The following STK32A variants were observed in gnomAD, a reference collection of about 807,000 sequenced individuals.
STK32A encodes serine/threonine kinase 32A, also known as serine/threonine-protein kinase 32A.
In STK32A, 41 loss-of-function variants were observed where a neutral mutation model predicts 53.2. That is an observed-to-expected ratio of 0.77 (90% CI 0.60 to 1.00). STK32A has a LOEUF of 1.00. Among genes scored for constraint, STK32A ranks in the 50% least tolerant of loss-of-function variants. The pLI, the probability that STK32A is intolerant of heterozygous loss-of-function variation, is 0.00. For missense variants in STK32A, 458 were observed against 485.8 expected (o/e 0.94, Z 0.54); for synonymous variants, 166 against 162.8 (o/e 1.02, Z -0.15).
At chr5:147,350,203 T>A (rs1415666823) in intron 6 of STK32A, among the ~76,000 whole-genome samples, 1 of 127,382 alleles carries the variant, frequency 7.9e-6, no homozygotes, top group Non-Finnish European at 1.6e-5. Context: ...AACAGTTATT[T>A]TGCTGGGAAC....
intron 1 of STK32A, among the ~76,000 whole-genome samples, chr5:147,236,729 C>T (rs1166442760): frequency 6.6e-6 from 1 of 152,134 alleles, no homozygotes; most frequent in African/African-American, 2.4e-5. Flanking sequence ...TCACTTGGTC[C>T]GTGGTGAACA....
intron 4 of STK32A, among the ~76,000 whole-genome samples, chr5:147,316,402 A>G (rs1313127013): frequency 4.6e-5 from 7 of 152,210 alleles, no homozygotes; most frequent in Admixed American, 4.6e-4. Context: ...AGCCAGCAAT[A>G]TGTTTTCATA....
At chr5:147,368,227 T>C (rs1756854017) in intron 8 of STK32A, among the ~76,000 whole-genome samples, 1 of 152,270 alleles carries the variant, frequency 6.6e-6, no homozygotes, top group South Asian at 2.1e-4. Flanking sequence ...CATAGTTTTG[T>C]ACTCATTGTA....
At chr5:147,297,174 C>T (rs1302316941) in intron 4 of STK32A, among the ~76,000 whole-genome samples, 3 of 152,112 alleles carry the variant, frequency 2.0e-5, no homozygotes, top group African/African-American at 7.2e-5. Context: ...GAACCAAAGA[C>T]AGCTCAAAGA....
intron 8 of STK32A, among the ~76,000 whole-genome samples, chr5:147,362,684 T>C (rs1756562851): frequency 6.6e-6 from 1 of 152,184 alleles, no homozygotes; most frequent in East Asian, 1.9e-4. Context: ...AACTCTAAAG[T>C]CTGAAGTCCA....
At chr5:147,259,156 G>C (rs1754376870) in intron 2 of STK32A, among the ~76,000 whole-genome samples, 1 of 152,110 alleles carries the variant, frequency 6.6e-6, no homozygotes, top group Non-Finnish European at 1.5e-5. Flanking sequence ...ATTTTCAGTG[G>C]TTAATGTTAA....
intron 8 of STK32A, 51 bp downstream of exon 8, chr5:147,361,665 T>C (rs1756511604): frequency 7.6e-7 from 1 of 1,317,684 alleles, no homozygotes; most frequent in Non-Finnish European, 1.1e-6. Context: ...AGTTCTATTT[T>C]AGAATGAAAG....
rs145516773 is a variant in STK32A at position 147,276,133 on chromosome 5, C to A, written c.53-1991C>A. Among the ~76,000 whole-genome samples the A allele has an allele frequency of 5.9e-5, 9 of 152,218 alleles. No individual in the cohort carries two copies. The East Asian group carries it at 1.5e-3, about 26-fold the overall frequency. On this transcript the variant is annotated intron_variant, in intron 2 of 12. Transcript: ENST00000397936. ...TGGTAAATAATACACAACTCAGATT[C>A]ATGTAATGGGTGTAAGAAAATCATT...
downstream of STK32A, among the ~76,000 whole-genome samples, chr5:147,390,330 G>A (rs915559822): frequency 5.3e-5 from 8 of 152,070 alleles, no homozygotes; most frequent in African/African-American, 9.7e-5. Flanking sequence ...TAATGCTTCC[G>A]TACACTGATT....
chr5:147,318,315 T>C (rs1471026316), intron 4 of STK32A, among the ~76,000 whole-genome samples: 1 of 152,204 alleles, frequency 6.6e-6, no homozygotes, highest in Non-Finnish European at 1.5e-5. Context: ...TTAAAAATGC[T>C]GTATAATCTG....
intron 7 of STK32A, among the ~76,000 whole-genome samples, chr5:147,353,197 C>T (rs948155556): frequency 6.6e-6 from 1 of 152,128 alleles, no homozygotes; most frequent in Non-Finnish European, 1.5e-5. Context: ...GATAGAAGGA[C>T]GTGTGTGAGA....
chr5:147,326,313 A>G (rs1404125815), intron 5 of STK32A, among the ~76,000 whole-genome samples: 1 of 152,134 alleles, frequency 6.6e-6, no homozygotes, highest in African/African-American at 2.4e-5. Flanking sequence ...GCCTTTTTGT[A>G]CTGAAATGTC....
At chr5:147,367,884 G>A (rs547120499) in intron 8 of STK32A, among the ~76,000 whole-genome samples, 1 of 152,278 alleles carries the variant, frequency 6.6e-6, no homozygotes, top group South Asian at 2.1e-4. Flanking sequence ...CTGCAATTAC[G>A]TTTCAAAATG....
At chr5:147,306,527 T>C (rs1753417429) in intron 4 of STK32A, among the ~76,000 whole-genome samples, 1 of 151,110 alleles carries the variant, frequency 6.6e-6, no homozygotes, top group Admixed American at 6.6e-5. Context: ...ATATTTATTA[T>C]AATTTGTAAC....
At chr5:147,295,971 G>A (rs189331955) in intron 4 of STK32A, among the ~76,000 whole-genome samples, 20 of 152,350 alleles carry the variant, frequency 1.3e-4, no homozygotes, top group African/African-American at 1.9e-4. Context: ...GGTAGGACTT[G>A]TATAGATTTA....
chr5:147,247,281 C>T lies in STK32A; in HGVS notation c.52+7595C>T, dbSNP rs79446205. 4.7e-3 allele frequency among the ~76,000 whole-genome samples: 721 copies of T among 152,276 alleles called. 4 individuals carry two copies. Among genetic ancestry groups the T allele is most frequent in the Non-Finnish European group, 6.9e-3 (469 of 68,022 alleles). The stretch of plus-strand genomic sequence containing the variant: ...AAACTCAGGTCCCATGAAATATACA[C>T]GGATTTCTACTATGCATTACTATGT... On this transcript the variant is annotated intron_variant, in intron 2 of 12. Transcript: ENST00000397936.
At chr5:147,301,227 A>C (rs900001740) in intron 4 of STK32A, among the ~76,000 whole-genome samples, 1 of 152,286 alleles carries the variant, frequency 6.6e-6, no homozygotes. Context: ...AATAGATGAT[A>C]GTCTGTGGTT....
chr5:147,253,405 T>A (rs933516467), intron 2 of STK32A, among the ~76,000 whole-genome samples: 2 of 152,240 alleles, frequency 1.3e-5, no homozygotes, highest in African/African-American at 4.8e-5. Flanking sequence ...AGGATTAATT[T>A]TCAGTATGAA....
At chr5:147,267,850 A>G (rs1307998716) in intron 2 of STK32A, among the ~76,000 whole-genome samples, 1 of 152,060 alleles carries the variant, frequency 6.6e-6, no homozygotes, top group Non-Finnish European at 1.5e-5. Flanking sequence ...TGGAACTCCA[A>G]CCCATTCTGC....
Sources: gnomAD v4.1 joint callset for allele counts (sites outside exome capture counted in the v4.1 genomes callset) on GRCh38, gnomAD v4.1.1 for gene constraint, MANE v1.5 for transcripts, NCBI Gene and HGNC (gene_info 2026-07-23, HGNC 2026-07-21) for gene names.